The following TTLL8 variants were observed in gnomAD, a reference collection of about 807,000 sequenced individuals.
The protein encoded by TTLL8 is protein monoglycylase TTLL8.
TTLL8 carries 65 observed loss-of-function variants against 77.8 expected under a neutral mutation model. The ratio of observed to expected loss-of-function variants is 0.84; its 90% CI spans 0.68 to 1.03. The LOEUF is 1.03. Among genes scored for constraint, TTLL8 ranks in the 50% least tolerant of loss-of-function variants. The pLI, the probability that TTLL8 is intolerant of heterozygous loss-of-function variation, is 0.00. For synonymous variants in TTLL8, 402 were observed against 422.8 expected, an observed-to-expected ratio of 0.95 and a Z score of 0.60; for missense variants, 910 against 1,004.5, an observed-to-expected ratio of 0.91 and a Z score of 1.27.
chr22:50,054,928 C>T (rs1280814398), upstream of TTLL8, among the ~76,000 whole-genome samples: 5 of 152,034 alleles, frequency 3.3e-5, no homozygotes, highest in Admixed American at 6.5e-5. Flanking sequence ...GGCATGGTGG[C>T]GTGCACCTGT....
chr22:50,050,326 T>A, intron 1 of TTLL8, 79 bp from the exon 4 acceptor site: 12 of 1,073,142 alleles, frequency 1.1e-5, no homozygotes, highest in African/African-American at 1.7e-5. Flanking sequence ...TGGATAAGCT[T>A]GTTAGTGCTG....
intron 12 of TTLL8, among the ~76,000 whole-genome samples, chr22:50,022,222 A>T (rs2061207473): frequency 6.7e-6 from 1 of 149,160 alleles, no homozygotes; most frequent in Non-Finnish European, 1.5e-5. Flanking sequence ...CCTACATCTG[A>T]CATGCACTCC....
At chr22:50,030,268 C>T (rs1347706375) in intron 12 of TTLL8, 162 bp downstream of exon 13, 5 of 985,236 alleles carry the variant, frequency 5.1e-6, no homozygotes, top group Non-Finnish European at 6.0e-6. Context: ...CCCAACCCCG[C>T]TCCCCGGCTC....
intron 6 of TTLL8, among the ~76,000 whole-genome samples, chr22:50,043,285 A>G (rs898007727): frequency 7.3e-5 from 11 of 150,244 alleles, no homozygotes; most frequent in Admixed American, 3.6e-4. Context: ...GTAGATGGAT[A>G]GATAGATAAA....
chr22:50,041,918 T>A lies in TTLL8; in HGVS notation c.644-111A>T. ...GACAAAGGCTGCTCCACTCCCTCTG[T>A]GCCCCAATACCCAACAAGTATCCCA... On this transcript the variant is annotated intron_variant, in intron 6 of 13. Coordinates refer to ENST00000266182, the Ensembl canonical transcript of TTLL8. The surrounding 1 kb of genome is among the most constrained non-coding windows in gnomAD (Gnocchi z 4.3). 1 of 965,858 alleles carries A rather than the reference T, an allele frequency of 1.0e-6. No individual in the cohort carries two copies. Among genetic ancestry groups the A allele is most frequent in the Non-Finnish European group, 1.4e-6 (1 of 730,756 alleles). The allele number at this position is 965,858 out of a possible 1,614,324, so 59.8% of individuals were successfully genotyped here.
At chr22:50,045,618 G>A (rs2061405145) in intron 5 of TTLL8, among the ~76,000 whole-genome samples, 1 of 152,158 alleles carries the variant, frequency 6.6e-6, no homozygotes, top group Non-Finnish European at 1.5e-5. Context: ...AGCCGGCCTT[G>A]CCCCAGCTGC....
intron 12 of TTLL8, among the ~76,000 whole-genome samples, chr22:50,023,107 C>A (rs2061214201): frequency 6.6e-6 from 1 of 152,130 alleles, no homozygotes; most frequent in Non-Finnish European, 1.5e-5. Context: ...ATTTTAGCAA[C>A]AAACAATTGG....
rs1304586728 is a variant in TTLL8 at position 50,041,884 on chromosome 22, A to G, written c.644-77T>C. 3 of 1,235,692 alleles carry G rather than the reference A, an allele frequency of 2.4e-6. No homozygotes were observed. The African/African-American group carries it at 4.7e-5, about 19-fold the overall frequency. 76.5% of individuals were successfully genotyped at this position (1,235,692 alleles called of 1,614,324 possible). A position where few individuals can be genotyped will look rare whatever the true frequency, so the allele number is the denominator to read the frequency against. ...CTGCCCGCCTCGAGGGGTGATGTCTAAAGTCATGGACAAAGGCTGCTCCAC... is the reference window on the plus strand; with the variant it reads ...CTGCCCGCCTCGAGGGGTGATGTCTGAAGTCATGGACAAAGGCTGCTCCAC... On this transcript the variant is annotated intron_variant, in intron 6 of 13. Transcript: ENST00000266182. The surrounding 1 kb of genome is among the most constrained non-coding windows in gnomAD (Gnocchi z 4.3).
chr22:50,041,229 C>T lies in TTLL8; in HGVS notation c.879G>A (p.Lys293=). The change falls in exon 8 of 14, where the codon AAG becomes AAA. Residue 293 remains lysine, a synonymous_variant. Coordinates refer to ENST00000266182, the Ensembl canonical transcript of TTLL8. This position sits in a 1 kb window ranked among gnomAD's most constrained non-coding sequence, Gnocchi z 4.3. ...TGGGGGGCTCAAATGACATCATAAC[C>T]TTCTGGATTTTGAAGATGCACAAGA... The T allele has an allele frequency of 2.1e-6, 1 of 485,466 alleles. No individual in the cohort carries two copies. Among genetic ancestry groups the T allele is most frequent in the South Asian group, 1.6e-5 (1 of 62,438 alleles). 30.1% of individuals were successfully genotyped at this position (485,466 alleles called of 1,614,324 possible).
At chr22:50,033,431 C>A in exon 10 of TTLL8, 2 of 1,363,958 alleles carry the variant, frequency 1.5e-6, no homozygotes, top group South Asian at 2.3e-5. Flanking sequence ...TCCACACGGT[C>A]CATGCACACT....
chr22:50,045,135 G>T, intron 6 of TTLL8, 120 bp downstream of exon 8: 6 of 1,107,320 alleles, frequency 5.4e-6, no homozygotes, highest in Non-Finnish European at 5.8e-6. Flanking sequence ...CTGAGGCATC[G>T]CTGTATCCAG....
At chr22:50,030,916 C>G in exon 12 of TTLL8, 1 of 1,319,692 alleles carries the variant, frequency 7.6e-7, no homozygotes, top group Non-Finnish European at 9.9e-7. Flanking sequence ...GGGGGCGGCT[C>G]AACCACCGGC....
At chr22:50,057,458 GTTGGGGGATCAGGTCTGGA>G (rs1250454678), upstream of TTLL8, among the ~76,000 whole-genome samples, 90 of 119,806 alleles carry the variant, frequency 7.5e-4, no homozygotes, top group East Asian at 1.2e-3. Context: ...TCAGGTCTGG[GTTGGGGGATCAGGTCTGGA>G]TTGTGGGTCA....
Position 50,041,930 on chromosome 22 carries a change from C to A in TTLL8, c.644-123G>T. 3 of 867,568 alleles carry A rather than the reference C, an allele frequency of 3.5e-6. No homozygotes were observed. Among genetic ancestry groups the A allele is most frequent in the South Asian group, 1.7e-5 (1 of 58,760 alleles). 53.7% of individuals were successfully genotyped at this position (867,568 alleles called of 1,614,324 possible). ...TCCACTCCCTCTGTGCCCCAATACC[C>A]AACAAGTATCCCAGATCCCCAGACA... On this transcript the variant is annotated intron_variant, in intron 6 of 13. Coordinates refer to ENST00000266182, the Ensembl canonical transcript of TTLL8. The surrounding 1 kb of genome is among the most constrained non-coding windows in gnomAD (Gnocchi z 4.3).
chr22:50,056,820 G>C (rs913516046), upstream of TTLL8: 61 of 1,289,496 alleles, frequency 4.7e-5, no homozygotes, highest in Admixed American at 6.9e-5. This position sits in a 1 kb window ranked among gnomAD's most constrained non-coding sequence, Gnocchi z 4.1. Context: ...CTCTGAGCCC[G>C]GGCCACTCTG....
intron 12 of TTLL8, among the ~76,000 whole-genome samples, chr22:50,023,289 G>A (rs1449111036): frequency 6.6e-6 from 1 of 152,178 alleles, no homozygotes; most frequent in East Asian, 1.9e-4. Flanking sequence ...GATACATCAT[G>A]TGCAGGGATC....
At chr22:50,049,616 G>A (rs141716888) in intron 2 of TTLL8, among the ~76,000 whole-genome samples, 38 of 152,332 alleles carry the variant, frequency 2.5e-4, no homozygotes, top group Middle Eastern at 3.4e-3. Flanking sequence ...GTGTGGAATG[G>A]TGGAGACAGC....
Position 50,041,482 on chromosome 22 carries a change from G to A in TTLL8, c.830+139C>T. On this transcript the variant is annotated intron_variant, in intron 7 of 13. Transcript: ENST00000266182. This position sits in a 1 kb window ranked among gnomAD's most constrained non-coding sequence, Gnocchi z 4.3. The stretch of plus-strand genomic sequence containing the variant: ...GACAGGAGCCCCAACGCCAGGACAG[G>A]CATCTCAACACTCAATACCCCACAG... 3.3e-6 allele frequency: 4 copies of A among 1,202,198 alleles called. No homozygotes were observed. Among genetic ancestry groups the A allele is most frequent in the Non-Finnish European group, 4.2e-6 (4 of 942,454 alleles). 74.5% of individuals were successfully genotyped at this position (1,202,198 alleles called of 1,614,324 possible).
intron 1 of TTLL8, among the ~76,000 whole-genome samples, chr22:50,052,750 G>A (rs1380297427): frequency 6.6e-6 from 1 of 152,156 alleles, no homozygotes. Flanking sequence ...CACCTATTAA[G>A]AAGGCATTAG....
Sources: gnomAD v4.1 joint callset for allele counts (sites outside exome capture counted in the v4.1 genomes callset) on GRCh38, gnomAD v4.1.1 for gene constraint, Gnocchi (gnomAD v3.1) non-coding constraint, MANE v1.5 for transcripts, NCBI Gene and HGNC (gene_info 2026-07-23, HGNC 2026-07-21) for gene names.